DNM3: variants seen among roughly 807,000 people sequenced by gnomAD.
The protein encoded by DNM3 is dynamin 3, also known as dynamin-3.
A neutral mutation model predicts 101.6 loss-of-function variants in DNM3; 47 were observed. The ratio of observed to expected loss-of-function variants is 0.46; its 90% CI spans 0.37 to 0.59. The LOEUF is 0.59. DNM3 is among the 20% of genes least tolerant of loss of function. DNM3 has a pLI of 0.00. For missense variants in DNM3, 849 were observed against 1,085.7 expected (o/e 0.78, Z 3.06); for synonymous variants, 385 against 387.9 (o/e 0.99, Z 0.09).
intron 12 of DNM3, among the ~76,000 whole-genome samples, chr1:172,091,973 G>T (rs892737585): frequency 2.0e-5 from 3 of 152,110 alleles, no homozygotes; most frequent in African/African-American, 2.4e-5. Flanking sequence ...ATTTTCTGAT[G>T]GTCGGATATG....
chr1:171,987,631 T>C, intron 2 of DNM3, 25 bp from the exon 3 acceptor site: 1 of 1,541,902 alleles, frequency 6.5e-7, no homozygotes, highest in Non-Finnish European at 8.7e-7. Flanking sequence ...ATTTAAGTTG[T>C]GTCATTTTGG....
intron 20 of DNM3, among the ~76,000 whole-genome samples, chr1:172,405,749 T>A (rs566282479): frequency 6.6e-6 from 1 of 152,104 alleles, no homozygotes; most frequent in Non-Finnish European, 1.5e-5. Context: ...TACATTTCCA[T>A]AGGTTACATG....
At position 171,921,766 on chromosome 1, in the gene DNM3, G is replaced by A; in HGVS notation, c.180G>A (p.Gly60=). ...TTTTTAGGGACTTTCTCCCTCGAGG[G>A]TCGGGCATTGTAACAAGACGACCTC... ...NFVGRDFLPR[G]SGIVTRRPLV... is the part of the protein sequence containing the mutation. The change falls in exon 2 of 21, where the codon GGG becomes GGA. Residue 60 remains glycine, a synonymous_variant. Transcript: ENST00000627582. The A allele has an allele frequency of 6.3e-7, 1 of 1,597,252 alleles. No individual in the cohort carries two copies. Among genetic ancestry groups the A allele is most frequent in the African/African-American group, 1.3e-5 (1 of 74,872 alleles).
At chr1:171,984,547 C>T (rs901269119) in intron 2 of DNM3, among the ~76,000 whole-genome samples, 1 of 152,196 alleles carries the variant, frequency 6.6e-6, no homozygotes, top group African/African-American at 2.4e-5. Context: ...TCAAAGGTCA[C>T]TTTACCCTGT....
intron 17 of DNM3, among the ~76,000 whole-genome samples, chr1:172,338,073 A>G (rs2066526780): frequency 6.6e-6 from 1 of 151,176 alleles, no homozygotes; most frequent in Non-Finnish European, 1.5e-5. Flanking sequence ...CCCGCCACCA[A>G]GCCCGGCTGA....
In DNM3 at chr1:172,017,831, C is replaced by T. The variant is rs139693903; in HGVS notation, c.590-14571C>T. On this transcript the variant is annotated intron_variant, in intron 4 of 20. Transcript: ENST00000627582. ...CTGTAACTGTAATAGTGGATCCATCCGTTTCTTTGCAGTTCTTTCTGTTTC... is the reference window on the plus strand; with the variant it reads ...CTGTAACTGTAATAGTGGATCCATCTGTTTCTTTGCAGTTCTTTCTGTTTC... Among the ~76,000 whole-genome samples, 536 of 152,168 alleles carry T rather than the reference C, an allele frequency of 3.5e-3. 7 individuals carry two copies. Among genetic ancestry groups the T allele is most frequent in the African/African-American group, 0.012 (518 of 41,514 alleles).
At chr1:172,412,870 G>A (rs80252177), downstream of DNM3, among the ~76,000 whole-genome samples, 2,095 of 152,232 alleles carry the variant, frequency 0.014, 22 homozygotes, top group Middle Eastern at 0.024. Context: ...CATTAATTTG[G>A]AGAAAGATGG....
At chr1:172,163,987 A>ACACC (rs1558663000) in intron 14 of DNM3, among the ~76,000 whole-genome samples, 64 of 143,482 alleles carry the variant, frequency 4.5e-4, no homozygotes, top group Non-Finnish European at 7.9e-4. Flanking sequence ...ACACACACAC[A>ACACC]TCTCACATTT....
chr1:172,372,061 C>A, intron 17 of DNM3, among the ~76,000 whole-genome samples: 1 of 94,142 alleles, frequency 1.1e-5, no homozygotes, highest in African/African-American at 4.1e-5. Flanking sequence ...GCTATCCCTC[C>A]CCCCTCCCCC....
chr1:172,285,933 A>C (rs2063680537), intron 15 of DNM3, among the ~76,000 whole-genome samples: 1 of 152,108 alleles, frequency 6.6e-6, no homozygotes, highest in South Asian at 2.1e-4. Context: ...TGAATCTGCA[A>C]CTGTCCATAT....
At chr1:172,005,866 G>T (rs1418805737) in intron 4 of DNM3, among the ~76,000 whole-genome samples, 1 of 152,036 alleles carries the variant, frequency 6.6e-6, no homozygotes, top group Non-Finnish European at 1.5e-5. Flanking sequence ...TTTGGTTTGT[G>T]AGTGAAGGAC....
At chr1:172,257,230 A>G (rs1370720824) in intron 15 of DNM3, among the ~76,000 whole-genome samples, 1 of 152,122 alleles carries the variant, frequency 6.6e-6, no homozygotes, top group Non-Finnish European at 1.5e-5. Context: ...ATACTGTTCT[A>G]TGCTTAAAAT....
At chr1:172,147,461 T>A (rs1042517297) in intron 14 of DNM3, among the ~76,000 whole-genome samples, 3 of 152,156 alleles carry the variant, frequency 2.0e-5, no homozygotes, top group African/African-American at 7.2e-5. Flanking sequence ...CCAAAGTGAT[T>A]ATTGAATCAA....
chr1:172,277,872 C>T (rs1349249432), intron 15 of DNM3, among the ~76,000 whole-genome samples: 1 of 152,084 alleles, frequency 6.6e-6, no homozygotes, highest in Non-Finnish European at 1.5e-5. Flanking sequence ...CACTGAAGTT[C>T]TGTCAATTAT....
At chr1:172,187,446 G>A (rs926327237) in intron 14 of DNM3, among the ~76,000 whole-genome samples, 1 of 151,916 alleles carries the variant, frequency 6.6e-6, no homozygotes, top group Non-Finnish European at 1.5e-5. Flanking sequence ...CACTGCCTCT[G>A]CCCTGAGCCC....
At chr1:172,186,443 T>A (rs2059528498) in intron 14 of DNM3, among the ~76,000 whole-genome samples, 1 of 151,742 alleles carries the variant, frequency 6.6e-6, no homozygotes, top group African/African-American at 2.4e-5. Context: ...CACCTTAAGG[T>A]AGTACCAATC....
intron 15 of DNM3, among the ~76,000 whole-genome samples, chr1:172,305,266 T>G (rs2064737582): frequency 6.6e-6 from 1 of 152,040 alleles, no homozygotes; most frequent in African/African-American, 2.4e-5. Flanking sequence ...TCTACACAAA[T>G]AAACTAGAAA....
intron 10 of DNM3, among the ~76,000 whole-genome samples, chr1:172,052,588 G>C (rs1488797235): frequency 6.6e-6 from 1 of 152,132 alleles, no homozygotes; most frequent in Non-Finnish European, 1.5e-5. Context: ...AGATCAGTGA[G>C]AGTCCTGATT....
chr1:172,189,252 A>G (rs1394742583), intron 14 of DNM3, among the ~76,000 whole-genome samples: 1 of 151,830 alleles, frequency 6.6e-6, no homozygotes, highest in Admixed American at 6.6e-5. Context: ...TACTCTCTTT[A>G]TTACTATAGC....
Sources: allele counts gnomAD v4.1 joint callset (sites outside exome capture counted in the v4.1 genomes callset), GRCh38; gene constraint gnomAD v4.1.1; transcripts MANE v1.5; gene names NCBI Gene and HGNC (gene_info 2026-07-23, HGNC 2026-07-21).